The following SLC41A1 variants were observed in gnomAD, a reference collection of about 807,000 sequenced individuals.
The protein encoded by SLC41A1 is solute carrier family 41 (magnesium transporter), member 1.
In SLC41A1, 20 loss-of-function variants were observed where a neutral mutation model predicts 47.3. The observed-to-expected ratio is 0.42, with a 90% confidence interval of 0.30 to 0.61. The LOEUF is 0.61. Ranked by LOEUF, SLC41A1 falls within the 20% of genes least tolerant of loss-of-function variation. SLC41A1 has a pLI of 0.17. For synonymous variants in SLC41A1, 282 were observed against 272.7 expected (o/e 1.03, Z -0.34); for missense variants, 504 against 674.1 (o/e 0.75, Z 2.79).
In SLC41A1 at chr1:205,789,554, G is replaced by A. The variant is rs186068484; in HGVS notation, c.*1979C>T. On this transcript the variant is annotated 3_prime_UTR_variant, in exon 11 of 11. Coordinates refer to ENST00000367137, the MANE Select transcript of SLC41A1 (RefSeq NM_173854.6). ...CTGTACAAGAAGAATCTGTGTGTAAGTATTTTTTGAGGTGGAGGAAAAGAT... is the reference window on the plus strand; with the variant it reads ...CTGTACAAGAAGAATCTGTGTGTAAATATTTTTTGAGGTGGAGGAAAAGAT... The A allele has an allele frequency of 1.4e-4, 21 of 152,390 alleles. No individual in the cohort carries two copies. The highest frequency in any genetic ancestry group is 8.5e-4 in the Admixed American group (13 of 15,296). The allele number at this position is 152,390 out of a possible 1,614,324, so 9.4% of individuals were successfully genotyped here.
intron 2 of SLC41A1, among the ~76,000 whole-genome samples, chr1:205,807,203 C>G (rs892566791): frequency 1.3e-5 from 2 of 152,192 alleles, no homozygotes. Flanking sequence ...TAACAATCTC[C>G]CTGTGGTCCC....
At chr1:205,795,216 G>A (rs113228902) in intron 9 of SLC41A1, 128 bp downstream of exon 9, 15 of 1,516,082 alleles carry the variant, frequency 9.9e-6, no homozygotes, top group African/African-American at 5.5e-5. Flanking sequence ...CTGCCCTTCA[G>A]AACAGCTGGC....
At chr1:205,804,258 C>A (rs112552397) in intron 2 of SLC41A1, among the ~76,000 whole-genome samples, 1 of 152,104 alleles carries the variant, frequency 6.6e-6, no homozygotes, top group African/African-American at 2.4e-5. Flanking sequence ...CCTGTCGGAG[C>A]TCTCCCTGTG....
At chr1:205,812,316 T>C (rs992828172) in intron 1 of SLC41A1, among the ~76,000 whole-genome samples, 3 of 152,220 alleles carry the variant, frequency 2.0e-5, no homozygotes, top group African/African-American at 7.2e-5. Context: ...GTTTCCTCTA[T>C]CAATTCAGTC....
rs1475885796 is a variant in SLC41A1, at chr1:205,813,172, G to A, written c.-1011C>T. 3 of 985,368 alleles carry A rather than the reference G, an allele frequency of 3.0e-6. No homozygotes were observed. Among genetic ancestry groups the A allele is most frequent in the Admixed American group, 6.1e-5 (1 of 16,272 alleles). 61.0% of individuals were successfully genotyped at this position (985,368 alleles called of 1,614,324 possible). On this transcript the variant is annotated 5_prime_UTR_variant, in exon 1 of 11. Transcript: ENST00000367137. ...ACTCGGGCCCAACTGGTTGGCTGCC[G>A]GTGGCAAACGTGATCTGGGGCAGAC...
chr1:205,791,668 G>T lies in SLC41A1; in HGVS notation c.1407C>A (p.Gly469=). ...IADWMVHWMW[G]RGLDPDNFSI... ...AGAAGTTGTCCGGGTCCAGGCCCCG[G>T]CCCCACATCCAGTGCACCATCCAGT... The change falls in exon 11 of 11, where the codon GGC becomes GGA. Residue 469 remains glycine, a synonymous_variant. Transcript: ENST00000367137. The surrounding 1 kb of genome is among the most constrained non-coding windows in gnomAD (Gnocchi z 4.0). The T allele has an allele frequency of 1.2e-6, 2 of 1,614,054 alleles. No homozygotes were observed. Among genetic ancestry groups the T allele is most frequent in the Non-Finnish European group, 1.7e-6 (2 of 1,180,006 alleles).
chr1:205,799,610 T>C, intron 4 of SLC41A1, 149 bp downstream of exon 4: 1 of 859,570 alleles, frequency 1.2e-6, no homozygotes, highest in South Asian at 1.4e-5. Flanking sequence ...CTGGGTAACC[T>C]AGTTACCTCC....
At chr1:205,797,883 A>C in intron 7 of SLC41A1, 21 bp downstream of exon 7, 1 of 1,613,868 alleles carries the variant, frequency 6.2e-7, no homozygotes, top group Non-Finnish European at 8.5e-7. Flanking sequence ...GTAGGAGTGG[A>C]TACTCAGGGC....
chr1:205,798,982 T>C lies in SLC41A1; in HGVS notation c.672A>G (p.Thr224=). ...AFLLCASSVA[T]AFIASLVLGM... Reference sequence around the variant, plus strand: ...CCAGTACCAGGGAGGCAATGAAGGCTGTGGCCACGCTGCTAGCACAGAGCA... The same window carrying C: ...CCAGTACCAGGGAGGCAATGAAGGCCGTGGCCACGCTGCTAGCACAGAGCA... The change falls in exon 5 of 11, where the codon ACA becomes ACG. Residue 224 remains threonine (T), a synonymous_variant. Transcript: ENST00000367137. 2 of 1,614,126 alleles carry C rather than the reference T, an allele frequency of 1.2e-6. No homozygotes were observed.
At chr1:205,809,387 C>T (rs1383995201) in intron 2 of SLC41A1, among the ~76,000 whole-genome samples, 4 of 152,174 alleles carry the variant, frequency 2.6e-5, no homozygotes, top group Non-Finnish European at 5.9e-5. Context: ...AGGTGAGGAG[C>T]AAAGAGGAGA....
In SLC41A1 at chr1:205,810,238, C is replaced by T. The variant is rs2102512440; in HGVS notation, c.204G>A (p.Glu68=). The T allele has an allele frequency of 6.2e-7, 1 of 1,614,260 alleles. No individual in the cohort carries two copies. The highest frequency in any genetic ancestry group is 1.1e-5 in the South Asian group (1 of 91,088). The part of the protein sequence containing the change: ...KGVREEDALL[E]NGSQSNESDD... The stretch of plus-strand genomic sequence containing the variant: ...CACTTTCGTTGCTCTGGCTCCCGTT[C>T]TCCAGCAGGGCGTCCTCCTCCCGAA... The change falls in exon 2 of 11, where the codon GAG becomes GAA. Residue 68 remains glutamate (E), a synonymous_variant. Transcript: ENST00000367137. This position sits in a 1 kb window ranked among gnomAD's most constrained non-coding sequence, Gnocchi z 5.5.
chr1:205,790,062 GGAAT>G lies in SLC41A1; in HGVS notation c.*1467_*1470del. On this transcript the variant is annotated 3_prime_UTR_variant, in exon 11 of 11. Coordinates refer to ENST00000367137, the MANE Select transcript of SLC41A1 (RefSeq NM_173854.6). ...CTTGGTAAGGAGAGGTGGAGGGAAG[GGAAT>G]GTGAGGAAGGGTCGTTTAGGGAAAT... 6.6e-6 allele frequency: 1 copy of G among 152,446 alleles called. No individual in the cohort carries two copies. The highest frequency in any genetic ancestry group is 1.9e-4 in the East Asian group (1 of 5,182). The allele number at this position is 152,446 out of a possible 1,614,324, so 9.4% of individuals were successfully genotyped here.
chr1:205,798,653 A>G lies in SLC41A1; in HGVS notation c.844+16T>C. On this transcript the variant is annotated intron_variant, in intron 6 of 10. Transcript: ENST00000367137. ...CCCACCCAGGACTCCAAGAAGCCAC[A>G]CTCTTGGTGGCTCACTCAGTTCCAG... The G allele has an allele frequency of 2.5e-6, 4 of 1,613,930 alleles. No individual in the cohort carries two copies. The highest frequency in any genetic ancestry group is 3.4e-6 in the Non-Finnish European group (4 of 1,179,966).
chr1:205,807,115 G>T (rs539312979), intron 2 of SLC41A1, among the ~76,000 whole-genome samples: 1 of 152,054 alleles, frequency 6.6e-6, no homozygotes, highest in South Asian at 2.1e-4. Flanking sequence ...GGTAATATAG[G>T]TGTGAATCCT....
chr1:205,794,284 A>G (rs1655695773), intron 10 of SLC41A1, among the ~76,000 whole-genome samples: 1 of 152,206 alleles, frequency 6.6e-6, no homozygotes, highest in Non-Finnish European at 1.5e-5. Context: ...AAATTGGGTA[A>G]TGGTATATGG....
chr1:205,795,970 A>T (rs557193128), intron 8 of SLC41A1: 19 of 238,046 alleles, frequency 8.0e-5, no homozygotes, highest in Non-Finnish European at 1.5e-4. Context: ...TTTGAGCTCC[A>T]AACTCTGGAA....
In SLC41A1 at chr1:205,810,551, G is replaced by A. The variant is rs1420203836; in HGVS notation, c.-110C>T. The A allele has an allele frequency of 1.5e-5, 24 of 1,562,476 alleles. No individual in the cohort carries two copies. Among genetic ancestry groups the A allele is most frequent in the African/African-American group, 2.7e-5 (2 of 74,078 alleles). On this transcript the variant is annotated 5_prime_UTR_variant, in exon 2 of 11. Transcript: ENST00000367137. The surrounding 1 kb of genome is among the most constrained non-coding windows in gnomAD (Gnocchi z 5.5). ...TCTTGGGGTGAACCCAGGCTTGGGC[G>A]CCGCAGGACCTCTTCCCACGGCTCT... is the stretch of plus-strand genomic sequence containing the variant.
At chr1:205,793,246 CAATAAGA>C (rs150617466) in intron 10 of SLC41A1, among the ~76,000 whole-genome samples, 2 of 152,298 alleles carry the variant, frequency 1.3e-5, no homozygotes, top group East Asian at 3.9e-4. Context: ...GCAAAGGGAT[CAATAAGA>C]GCCTTTACAG....
chr1:205,795,226 C>T (rs1423616520), intron 9 of SLC41A1, 118 bp downstream of exon 9: 12 of 1,535,460 alleles, frequency 7.8e-6, no homozygotes, highest in Non-Finnish European at 5.3e-6. Flanking sequence ...GAACAGCTGG[C>T]ACAGCCCAGC....
Sources: gnomAD v4.1 joint callset for allele counts (sites outside exome capture counted in the v4.1 genomes callset) on GRCh38, gnomAD v4.1.1 for gene constraint, Gnocchi (gnomAD v3.1) non-coding constraint, MANE v1.5 for transcripts, NCBI Gene and HGNC (gene_info 2026-07-23, HGNC 2026-07-21) for gene names.